The following ST6GALNAC3 variants were observed in gnomAD, a reference collection of about 807,000 sequenced individuals.
The protein encoded by ST6GALNAC3 is ST6 N-acetylgalactosaminide alpha-2,6-sialyltransferase 3, also known as alpha-N-acetylgalactosaminide alpha-2,6-sialyltransferase 3.
In ST6GALNAC3, 25 loss-of-function variants were observed where a neutral mutation model predicts 32.7. The ratio of observed to expected loss-of-function variants is 0.76; its 90% CI spans 0.56 to 1.07. The LOEUF (loss-of-function observed/expected upper bound fraction) is 1.07, where lower values mean the gene tolerates loss of function less well. Ranked by LOEUF, ST6GALNAC3 falls within the 50% of genes least tolerant of loss-of-function variation. The pLI is 0.00. For missense variants in ST6GALNAC3, 355 were observed against 382.4 expected, an observed-to-expected ratio of 0.93 and a Z score of 0.60; for synonymous variants, 129 against 133.1, an observed-to-expected ratio of 0.97 and a Z score of 0.21.
At chr1:76,158,784 A>G (rs555308956) in intron 1 of ST6GALNAC3, among the ~76,000 whole-genome samples, 16 of 152,306 alleles carry the variant, frequency 1.1e-4, no homozygotes, top group African/African-American at 3.4e-4. Context: ...TTATCTAATA[A>G]TAGTTCTTGA....
chr1:76,564,078 C>A (rs1665406673), intron 3 of ST6GALNAC3, among the ~76,000 whole-genome samples: 1 of 152,186 alleles, frequency 6.6e-6, no homozygotes, highest in African/African-American at 2.4e-5. Flanking sequence ...TTCTTCTGAC[C>A]TACTAGTTTG....
chr1:76,221,742 A>G (rs1655784452), intron 1 of ST6GALNAC3, among the ~76,000 whole-genome samples: 1 of 152,224 alleles, frequency 6.6e-6, no homozygotes, highest in South Asian at 2.1e-4. Context: ...ACTCAAGAAT[A>G]TAAACATTGA....
At chr1:76,620,002 G>C in intron 3 of ST6GALNAC3, among the ~76,000 whole-genome samples, 1 of 152,032 alleles carries the variant, frequency 6.6e-6, no homozygotes, top group East Asian at 1.9e-4. Context: ...GCACATGCAG[G>C]GGAATTACCT....
chr1:76,403,869 A>G (rs1253109539), intron 2 of ST6GALNAC3, among the ~76,000 whole-genome samples: 1 of 152,114 alleles, frequency 6.6e-6, no homozygotes, highest in African/African-American at 2.4e-5. Context: ...ATAATAGGAT[A>G]TGAATTATTA....
intron 1 of ST6GALNAC3, among the ~76,000 whole-genome samples, chr1:76,246,933 C>G (rs1471871960): frequency 6.6e-6 from 1 of 152,180 alleles, no homozygotes; most frequent in Non-Finnish European, 1.5e-5. Flanking sequence ...TCCTCATCTT[C>G]ATGGATTTAT....
intron 3 of ST6GALNAC3, among the ~76,000 whole-genome samples, chr1:76,443,014 T>C (rs1656724169): frequency 6.6e-6 from 1 of 152,242 alleles, no homozygotes; most frequent in Admixed American, 6.5e-5. Context: ...TTTTCTGACA[T>C]CTACAGTTTC....
intron 3 of ST6GALNAC3, among the ~76,000 whole-genome samples, chr1:76,614,123 A>G (rs996318234): frequency 6.6e-6 from 1 of 152,226 alleles, no homozygotes; most frequent in Non-Finnish European, 1.5e-5. Context: ...TTGAGTGTCT[A>G]CTATGTGCCA....
At chr1:76,518,777 C>A (rs904046417) in intron 3 of ST6GALNAC3, among the ~76,000 whole-genome samples, 9 of 152,054 alleles carry the variant, frequency 5.9e-5, no homozygotes, top group African/African-American at 2.2e-4. Context: ...TTTAAAGTGT[C>A]ATTTAGTGGG....
Position 76,457,258 on chromosome 1 carries a change from C to T in ST6GALNAC3, c.623+44841C>T, listed in dbSNP as rs550273153. 2.1e-3 allele frequency among the ~76,000 whole-genome samples: 318 copies of T among 151,910 alleles called. 2 individuals carry two copies. The highest frequency in any genetic ancestry group is 7.2e-3 in the African/African-American group (296 of 41,326). ...GCTCATGGATAGGAAGAATCAATAT[C>T]GTGAAAATGGCCATACTGCCCAAGG... On this transcript the variant is annotated intron_variant, in intron 3 of 4. Transcript: ENST00000328299.
intron 2 of ST6GALNAC3, among the ~76,000 whole-genome samples, chr1:76,393,416 T>G (rs1239919203): frequency 6.6e-6 from 1 of 152,194 alleles, no homozygotes; most frequent in Non-Finnish European, 1.5e-5. Flanking sequence ...AGGAATGATT[T>G]TATTCACAAT....
chr1:76,305,973 G>A (rs1438296820), intron 1 of ST6GALNAC3: 1 of 514,120 alleles, frequency 1.9e-6, no homozygotes, highest in Non-Finnish European at 3.9e-6. Flanking sequence ...ATACTAATGG[G>A]AACATTCTCA....
chr1:76,567,661 A>G (rs1177266001), intron 3 of ST6GALNAC3, among the ~76,000 whole-genome samples: 2 of 152,230 alleles, frequency 1.3e-5, no homozygotes, highest in Non-Finnish European at 2.9e-5. Context: ...TGAACAGCCT[A>G]AATCAAATCA....
chr1:76,084,701 A>G (rs1022271785), intron 1 of ST6GALNAC3, among the ~76,000 whole-genome samples: 1 of 152,182 alleles, frequency 6.6e-6, no homozygotes, highest in Non-Finnish European at 1.5e-5. Flanking sequence ...GTGCTTAGAG[A>G]AAATCTGTTT....
At chr1:76,091,322 C>T (rs540959090) in intron 1 of ST6GALNAC3, among the ~76,000 whole-genome samples, 6 of 152,312 alleles carry the variant, frequency 3.9e-5, no homozygotes, top group African/African-American at 1.2e-4. Context: ...TTAAATGTAA[C>T]CTTTTGAGCC....
Position 76,263,093 on chromosome 1 carries a change from C to T in ST6GALNAC3, c.19-50712C>T, listed in dbSNP as rs187981557. Among the ~76,000 whole-genome samples the T allele has an allele frequency of 2.4e-4, 37 of 152,246 alleles. No individual in the cohort carries two copies. In the East Asian group the frequency reaches 7.1e-3, roughly 29 times the overall value. On this transcript the variant is annotated intron_variant, in intron 1 of 4. Coordinates refer to ENST00000328299, the MANE Select transcript of ST6GALNAC3 (RefSeq NM_152996.4). ...TATGACTATAGAGAATGAATATTTT[C>T]AGGTGACTCAGTTCAGTCTCTACCT... is the stretch of plus-strand genomic sequence containing the variant.
chr1:76,505,263 C>T (rs571726471), intron 3 of ST6GALNAC3, among the ~76,000 whole-genome samples: 1 of 152,014 alleles, frequency 6.6e-6, no homozygotes, highest in Non-Finnish European at 1.5e-5. Context: ...GCTGGGACTA[C>T]AGGTGCGTGC....
chr1:76,167,520 G>A (rs895890329), intron 1 of ST6GALNAC3, among the ~76,000 whole-genome samples: 2 of 152,196 alleles, frequency 1.3e-5, no homozygotes, highest in African/African-American at 4.8e-5. Context: ...GAGTAAGGGA[G>A]GAGTCACTCT....
intron 3 of ST6GALNAC3, among the ~76,000 whole-genome samples, chr1:76,478,277 A>G (rs995873571): frequency 1.3e-5 from 2 of 152,194 alleles, no homozygotes; most frequent in Non-Finnish European, 2.9e-5. Flanking sequence ...CTCACCTTGC[A>G]GTTGCCATCT....
At chr1:76,116,776 A>G (rs1648510806) in intron 1 of ST6GALNAC3, among the ~76,000 whole-genome samples, 1 of 152,158 alleles carries the variant, frequency 6.6e-6, no homozygotes, top group South Asian at 2.1e-4. Flanking sequence ...ACTAAAAAAT[A>G]CAAAAATTAG....
Sources: gnomAD v4.1 joint callset for allele counts (sites outside exome capture counted in the v4.1 genomes callset) on GRCh38, gnomAD v4.1.1 for gene constraint, MANE v1.5 for transcripts, NCBI Gene and HGNC (gene_info 2026-07-23, HGNC 2026-07-21) for gene names.